Variants in IMMP2L observed in about 807,000 individuals in gnomAD.
IMMP2L encodes the protein inner mitochondrial membrane peptidase subunit 2.
IMMP2L carries 18 observed loss-of-function variants against 19.3 expected under a neutral mutation model. The ratio of observed to expected loss-of-function variants is 0.93; its 90% CI spans 0.64 to 1.38. IMMP2L has a LOEUF of 1.38. Ranked by LOEUF, IMMP2L falls within the 40% of genes most tolerant of loss-of-function variation. The probability of loss-of-function intolerance (pLI) is 0.00; values close to 1 mark genes in which losing one functional copy is unlikely to be tolerated. For missense variants in IMMP2L, 233 were observed against 218.2 expected (o/e 1.07, Z -0.43); for synonymous variants, 76 against 73.0 (o/e 1.04, Z -0.21).
intron 3 of IMMP2L, among the ~76,000 whole-genome samples, chr7:111,237,313 C>T (rs1251144798): frequency 6.6e-6 from 1 of 152,008 alleles, no homozygotes; most frequent in Non-Finnish European, 1.5e-5. Flanking sequence ...ATTTGATGTC[C>T]TATAAGAATA....
intron 5 of IMMP2L, among the ~76,000 whole-genome samples, chr7:110,702,655 T>A (rs1278723232): frequency 6.6e-6 from 1 of 152,160 alleles, no homozygotes; most frequent in Non-Finnish European, 1.5e-5. Context: ...ATCCCTTAGT[T>A]TTTCAAGGTT....
chr7:111,525,279 G>A (rs1303859925), intron 1 of IMMP2L, among the ~76,000 whole-genome samples: 1 of 152,100 alleles, frequency 6.6e-6, no homozygotes, highest in African/African-American at 2.4e-5. Context: ...TGGCCATGTT[G>A]TGATGGACAA....
chr7:110,926,347 T>A (rs1350771572), intron 4 of IMMP2L, among the ~76,000 whole-genome samples: 1 of 152,106 alleles, frequency 6.6e-6, no homozygotes, highest in African/African-American at 2.4e-5. Flanking sequence ...TTGAAGCTGA[T>A]ACTTTTCATC....
chr7:110,825,656 C>T (rs376369938), intron 5 of IMMP2L, among the ~76,000 whole-genome samples: 1 of 152,096 alleles, frequency 6.6e-6, no homozygotes, highest in African/African-American at 2.4e-5. Flanking sequence ...GAAACTGGAT[C>T]CCTTCCTTAC....
intron 3 of IMMP2L, among the ~76,000 whole-genome samples, chr7:111,072,677 C>T (rs1795053675): frequency 6.6e-6 from 1 of 151,986 alleles, no homozygotes; most frequent in African/African-American, 2.4e-5. Flanking sequence ...AGGCGGATCA[C>T]GAGGTCAGGA....
rs115945678 is a variant in IMMP2L at position 110,771,938 on chromosome 7, T to C, written c.409-108217A>G. Among the ~76,000 whole-genome samples the C allele has an allele frequency of 2.8e-3, 430 of 152,316 alleles. 4 individuals carry two copies. Among genetic ancestry groups the C allele is most frequent in the African/African-American group, 9.7e-3 (405 of 41,574 alleles). On this transcript the variant is annotated intron_variant, in intron 5 of 5. Coordinates refer to ENST00000405709, the MANE Select transcript of IMMP2L (RefSeq NM_032549.4). ...ACAGAAGATGTGCTCTTAACCACTA[T>C]GCCAGACTTCCTCTATGGTATTAAA...
chr7:111,413,263 C>T (rs1466689295), intron 3 of IMMP2L, among the ~76,000 whole-genome samples: 20 of 152,080 alleles, frequency 1.3e-4, no homozygotes, highest in Admixed American at 3.9e-4. Context: ...GATGGTTTCA[C>T]TGGTCAATTC....
intron 3 of IMMP2L, among the ~76,000 whole-genome samples, chr7:111,471,378 C>G (rs986347197): frequency 2.0e-5 from 3 of 151,966 alleles, no homozygotes; most frequent in African/African-American, 7.3e-5. Flanking sequence ...AAAGCTGACT[C>G]TAAAGTCTCT....
intron 5 of IMMP2L, among the ~76,000 whole-genome samples, chr7:110,824,207 T>C (rs1178076547): frequency 6.6e-6 from 1 of 152,050 alleles, no homozygotes; most frequent in African/African-American, 2.4e-5. Context: ...AATAACAAAA[T>C]ATGAAAGGGT....
At chr7:111,030,908 AT>A (rs376979974) in intron 3 of IMMP2L, among the ~76,000 whole-genome samples, 10 of 110,688 alleles carry the variant, frequency 9.0e-5, no homozygotes, top group South Asian at 2.6e-4. Flanking sequence ...ATATATATAT[AT>A]ATATATATAT....
chr7:111,446,554 T>C (rs1585136465), intron 3 of IMMP2L, among the ~76,000 whole-genome samples: 1 of 151,582 alleles, frequency 6.6e-6, no homozygotes, highest in East Asian at 1.9e-4. Flanking sequence ...AAAACCCATC[T>C]GTACATCACC....
At chr7:111,471,041 T>C (rs769170504) in intron 3 of IMMP2L, among the ~76,000 whole-genome samples, 8 of 152,122 alleles carry the variant, frequency 5.3e-5, no homozygotes, top group Non-Finnish European at 1.2e-4. Flanking sequence ...TGCTAAGAGA[T>C]GAAGAAACAT....
At chr7:110,887,898 G>C (rs555127214) in intron 4 of IMMP2L, among the ~76,000 whole-genome samples, 2 of 152,214 alleles carry the variant, frequency 1.3e-5, no homozygotes, top group East Asian at 3.9e-4. Flanking sequence ...ACTGTTCTTT[G>C]AGGTGGTGTC....
chr7:111,356,107 T>C (rs965897757), intron 3 of IMMP2L, among the ~76,000 whole-genome samples: 5 of 152,060 alleles, frequency 3.3e-5, no homozygotes, highest in Non-Finnish European at 5.9e-5. Flanking sequence ...ACCATATATA[T>C]ATACACAGAA....
chr7:111,328,058 AC>A (rs1211068957), intron 3 of IMMP2L, among the ~76,000 whole-genome samples: 2 of 151,816 alleles, frequency 1.3e-5, no homozygotes, highest in African/African-American at 2.4e-5. Context: ...TTTTTACAAA[AC>A]CACATGACCT....
intron 5 of IMMP2L, among the ~76,000 whole-genome samples, chr7:110,673,217 A>G (rs1029617325): frequency 1.3e-5 from 2 of 152,100 alleles, no homozygotes; most frequent in Admixed American, 6.5e-5. Flanking sequence ...TGGGGCTTGT[A>G]CCCTCCGAAG....
At chr7:110,738,555 C>A (rs1349686731) in intron 5 of IMMP2L, among the ~76,000 whole-genome samples, 1 of 152,166 alleles carries the variant, frequency 6.6e-6, no homozygotes, top group Non-Finnish European at 1.5e-5. Flanking sequence ...ACAAAGCATC[C>A]AAGAAGTTCG....
At chr7:110,948,520 T>A (rs1817481457) in intron 4 of IMMP2L, among the ~76,000 whole-genome samples, 1 of 152,176 alleles carries the variant, frequency 6.6e-6, no homozygotes, top group African/African-American at 2.4e-5. Flanking sequence ...AAAGAAGCTA[T>A]AAATAACATG....
intron 3 of IMMP2L, among the ~76,000 whole-genome samples, chr7:111,479,429 C>T (rs1390752566): frequency 6.6e-6 from 1 of 152,114 alleles, no homozygotes; most frequent in African/African-American, 2.4e-5. Flanking sequence ...ACTGACTGAT[C>T]TGTGGCCTAT....
Sources: gnomAD v4.1 joint callset for allele counts (sites outside exome capture counted in the v4.1 genomes callset) on GRCh38, gnomAD v4.1.1 for gene constraint, MANE v1.5 for transcripts, NCBI Gene and HGNC (gene_info 2026-07-23, HGNC 2026-07-21) for gene names.